Variants in ZFHX3 observed in about 807,000 individuals in gnomAD.
ZFHX3 encodes zinc finger homeobox protein 3.
A neutral mutation model predicts 279.1 loss-of-function variants in ZFHX3; 42 were observed. That is an observed-to-expected ratio of 0.15 (90% CI 0.12 to 0.19). The LOEUF (loss-of-function observed/expected upper bound fraction) is 0.19. Ranked by LOEUF, ZFHX3 falls within the 10% of genes least tolerant of loss-of-function variation. ZFHX3 has a pLI of 1.00. For missense variants in ZFHX3, 4,981 were observed against 4,754.0 expected (o/e 1.05, Z -1.40); for synonymous variants, 2,293 against 1,957.8 (o/e 1.17, Z -4.52).
chr16:73,395,638 T>C (rs1188309326), intron 3 of ZFHX3, among the ~76,000 whole-genome samples: 2 of 152,130 alleles, frequency 1.3e-5, no homozygotes, highest in South Asian at 4.2e-4. Context: ...TATTAGCAAA[T>C]GGATTATTTT....
intron 4 of ZFHX3, among the ~76,000 whole-genome samples, chr16:73,306,116 A>G (rs1022077973): frequency 5.9e-5 from 9 of 152,116 alleles, no homozygotes; most frequent in Admixed American, 3.9e-4. Context: ...CCAAGTTTCT[A>G]CTGCGTACCT....
chr16:73,108,618 C>T (rs536517232), intron 7 of ZFHX3, among the ~76,000 whole-genome samples: 25 of 152,200 alleles, frequency 1.6e-4, no homozygotes, highest in Middle Eastern at 6.8e-3. Context: ...CCTTCTCTGC[C>T]GGTCCTGGAG....
rs138228440 is a variant in ZFHX3, at chr16:73,683,916, G to T, written c.-1607-3676C>A. 7.9e-5 allele frequency among the ~76,000 whole-genome samples: 12 copies of T among 152,312 alleles called. No homozygotes were observed. The East Asian group carries it at 2.3e-3, about 29-fold the overall frequency. On this transcript the variant is annotated intron_variant, in intron 1 of 17. Transcript: ENST00000641206. ...CCATGTAGTAATATTTCTTGTTTGT[G>T]GGCCACATATACAGTCTGTGCCAAA...
intron 3 of ZFHX3, among the ~76,000 whole-genome samples, chr16:73,454,753 AAC>A (rs991310260): frequency 2.6e-5 from 4 of 152,182 alleles, no homozygotes; most frequent in Non-Finnish European, 5.9e-5. Context: ...CGAGACTACA[AAC>A]ACAAAAGCAA....
chr16:72,805,988 T>C (rs2036252489), intron 7 of ZFHX3: 1 of 152,144 alleles, frequency 6.6e-6, no homozygotes, highest in African/African-American at 2.4e-5. Flanking sequence ...CTGCTGGGCT[T>C]AAGTGATTCT....
intron 1 of ZFHX3, among the ~76,000 whole-genome samples, chr16:73,806,014 G>A (rs1214790306): frequency 6.6e-6 from 1 of 152,190 alleles, no homozygotes; most frequent in African/African-American, 2.4e-5. Context: ...GGCTCAGCAA[G>A]CCTCAGGAAA....
intron 1 of ZFHX3, among the ~76,000 whole-genome samples, chr16:73,830,596 A>G (rs2142357418): frequency 6.6e-6 from 1 of 152,292 alleles, no homozygotes; most frequent in South Asian, 2.1e-4. Context: ...ATTTCCTGTG[A>G]AAATTCCCAT....
chr16:72,837,332 G>T (rs2037217694), intron 4 of ZFHX3, among the ~76,000 whole-genome samples: 1 of 152,146 alleles, frequency 6.6e-6, no homozygotes, highest in East Asian at 1.9e-4. Context: ...CTAACAAACT[G>T]CTAGCTTGTT....
At chr16:73,396,334 G>A (rs1014042377) in intron 3 of ZFHX3, among the ~76,000 whole-genome samples, 5 of 152,174 alleles carry the variant, frequency 3.3e-5, no homozygotes, top group Admixed American at 6.5e-5. Context: ...GGAGAAGGCT[G>A]TATTTTACCC....
intron 1 of ZFHX3, among the ~76,000 whole-genome samples, chr16:73,040,439 A>G (rs906691992): frequency 6.6e-6 from 1 of 152,160 alleles, no homozygotes; most frequent in African/African-American, 2.4e-5. Flanking sequence ...ACAAGCCAGG[A>G]CAAGTCAGGC....
chr16:73,664,508 G>T (rs748661275), intron 2 of ZFHX3, among the ~76,000 whole-genome samples: 14 of 152,114 alleles, frequency 9.2e-5, no homozygotes, highest in Non-Finnish European at 1.8e-4. Context: ...TTCAGTGATT[G>T]CAAGTGATTT....
intron 1 of ZFHX3, among the ~76,000 whole-genome samples, chr16:73,831,387 G>A (rs924334612): frequency 6.6e-6 from 1 of 152,216 alleles, no homozygotes; most frequent in Admixed American, 6.5e-5. Context: ...GCTCTGATGA[G>A]AGGTGCTAAA....
intron 5 of ZFHX3, among the ~76,000 whole-genome samples, chr16:73,175,930 T>C (rs1261215075): frequency 6.6e-6 from 1 of 152,190 alleles, no homozygotes; most frequent in African/African-American, 2.4e-5. Flanking sequence ...AATAATCTTA[T>C]CCAGCACAAG....
At chr16:73,509,045 G>A (rs1044799246) in intron 2 of ZFHX3, among the ~76,000 whole-genome samples, 5 of 152,154 alleles carry the variant, frequency 3.3e-5, no homozygotes, top group South Asian at 2.1e-4. Context: ...AGAGAAATGC[G>A]TGTGCACAAA....
At chr16:73,781,366 C>T (rs1460618865) in intron 1 of ZFHX3, among the ~76,000 whole-genome samples, 1 of 152,154 alleles carries the variant, frequency 6.6e-6, no homozygotes, top group Non-Finnish European at 1.5e-5. Flanking sequence ...TTAACAAGTT[C>T]CCAGGTCACG....
intron 1 of ZFHX3, among the ~76,000 whole-genome samples, chr16:73,055,847 TACACAC>T (rs10672414): frequency 2.7e-4 from 38 of 138,628 alleles, no homozygotes; most frequent in African/African-American, 9.3e-4. Context: ...CCTACAACTC[TACACAC>T]ACACACACAC....
chr16:73,851,814 G>C (rs1961600739), intron 1 of ZFHX3, among the ~76,000 whole-genome samples: 1 of 152,134 alleles, frequency 6.6e-6, no homozygotes, highest in Non-Finnish European at 1.5e-5. Flanking sequence ...CAACAGATTT[G>C]TGTGTGTCTT....
intron 4 of ZFHX3, among the ~76,000 whole-genome samples, chr16:72,863,340 TAAAAAAAAAAAAA>T (rs66692129): frequency 3.1e-5 from 2 of 64,624 alleles, no homozygotes; most frequent in Non-Finnish European, 5.3e-5. Context: ...TCATCTCTAC[TAAAAAAAAAAAAA>T]AAAAAAAAAA....
intron 1 of ZFHX3, among the ~76,000 whole-genome samples, chr16:73,863,508 T>C (rs1024365868): frequency 6.6e-6 from 1 of 152,048 alleles, no homozygotes; most frequent in Non-Finnish European, 1.5e-5. Flanking sequence ...GCAGAATACA[T>C]AGAAGGGCAG....
Sources: allele counts gnomAD v4.1 joint callset (sites outside exome capture counted in the v4.1 genomes callset), GRCh38; gene constraint gnomAD v4.1.1; transcripts MANE v1.5; gene names NCBI Gene and HGNC (gene_info 2026-07-23, HGNC 2026-07-21).